Variants in DYNC2I1 observed in about 807,000 individuals in gnomAD.
DYNC2I1 encodes cytoplasmic dynein 2 intermediate chain 1.
DYNC2I1 carries 89 observed loss-of-function variants against 133.4 expected under a neutral mutation model. That is an observed-to-expected ratio of 0.67 (90% CI 0.56 to 0.80). The LOEUF (loss-of-function observed/expected upper bound fraction) is 0.80. Among genes scored for constraint, DYNC2I1 ranks in the 30% least tolerant of loss-of-function variants. DYNC2I1 has a pLI of 0.00. For synonymous variants in DYNC2I1, 504 were observed against 484.3 expected (o/e 1.04, Z -0.54); for missense variants, 1,291 against 1,314.5 (o/e 0.98, Z 0.28).
intron 4 of DYNC2I1, among the ~76,000 whole-genome samples, chr7:158,879,317 C>T (rs1025003662): frequency 6.6e-6 from 1 of 152,034 alleles, no homozygotes; most frequent in Non-Finnish European, 1.5e-5. Context: ...ACAGTCGTCC[C>T]TTGGTATCCA....
chr7:158,944,044 A>G (rs1286416921), intron 24 of DYNC2I1, among the ~76,000 whole-genome samples: 1 of 152,228 alleles, frequency 6.6e-6, no homozygotes, highest in East Asian at 1.9e-4. Flanking sequence ...GGTTAGACAG[A>G]GAAACAGAAC....
chr7:158,939,679 C>T (rs1357765279), intron 23 of DYNC2I1, among the ~76,000 whole-genome samples: 1 of 152,010 alleles, frequency 6.6e-6, no homozygotes, highest in South Asian at 2.1e-4. Flanking sequence ...CATAGAATGG[C>T]TGAATGGTTA....
At chr7:158,947,103 T>G (rs2527203), downstream of DYNC2I1, among the ~76,000 whole-genome samples, 72,301 of 152,050 alleles carry the variant, frequency 0.48, 17,988 homozygotes, top group Non-Finnish European at 0.54. Flanking sequence ...GTCAGTAGAG[T>G]CTTAGCCAAT....
intron 1 of DYNC2I1, among the ~76,000 whole-genome samples, chr7:158,865,211 G>C (rs374460930): frequency 1.0e-3 from 158 of 152,328 alleles, no homozygotes; most frequent in African/African-American, 3.7e-3. Context: ...CACCTTGGAA[G>C]TGATTTCAGC....
downstream of DYNC2I1, among the ~76,000 whole-genome samples, chr7:158,947,828 G>A (rs945252398): frequency 2.0e-5 from 3 of 152,238 alleles, no homozygotes; most frequent in East Asian, 3.9e-4. Context: ...TGTCTGACGC[G>A]CTGCCTCGGA....
At chr7:158,880,201 C>T (rs187693901) in intron 5 of DYNC2I1, among the ~76,000 whole-genome samples, 13 of 152,248 alleles carry the variant, frequency 8.5e-5, no homozygotes, top group East Asian at 1.9e-4. Context: ...TTGATTATAT[C>T]GTGAATGTAC....
chr7:158,909,183 T>C (rs1197001402), intron 11 of DYNC2I1, among the ~76,000 whole-genome samples: 2 of 151,108 alleles, frequency 1.3e-5, no homozygotes, highest in African/African-American at 4.9e-5. Flanking sequence ...ATACAGAAAT[T>C]AGCCAGGCAT....
At chr7:158,934,849 A>C (rs1850591564) in intron 23 of DYNC2I1, among the ~76,000 whole-genome samples, 1 of 152,206 alleles carries the variant, frequency 6.6e-6, no homozygotes, top group African/African-American at 2.4e-5. Context: ...GGGCAGCATA[A>C]CACTTGCAGT....
intron 10 of DYNC2I1, 68 bp from the exon 11 acceptor site, chr7:158,905,921 C>G (rs1846759396): frequency 1.6e-6 from 2 of 1,226,724 alleles, no homozygotes; most frequent in South Asian, 1.3e-5. Flanking sequence ...TTGTTTTACT[C>G]CAGATATTTT....
intron 4 of DYNC2I1, among the ~76,000 whole-genome samples, chr7:158,952,159 G>A (rs1018697932): frequency 1.3e-5 from 2 of 152,200 alleles, no homozygotes; most frequent in African/African-American, 4.8e-5. Context: ...TCCGAGGAGG[G>A]CGCGGTAAAC....
At chr7:158,891,216 TG>T in intron 7 of DYNC2I1, 48 bp from the exon 8 acceptor site, 1 of 1,607,472 alleles carries the variant, frequency 6.2e-7, no homozygotes, top group Non-Finnish European at 8.5e-7. Context: ...GCGTGTGCCC[TG>T]GAGTCCCACC....
chr7:158,902,377 A>G lies in DYNC2I1; in HGVS notation c.1139A>G (p.Asp380Gly), dbSNP rs767594582. The change falls in exon 10 of 25, where the codon GAC (aspartate) becomes GGC (glycine). Residue 380 changes from aspartate to glycine, a missense_variant and splice_region_variant. Coordinates refer to ENST00000407559, the MANE Select transcript of DYNC2I1 (RefSeq NM_018051.5). ...YTASCEDDFE[D>G]YEDDFEVCDG... ...CCAAAAGATTATTATTGTTTGCAGGACTATGAAGATGACTTTGAGGTTTGT... is the reference window on the plus strand; with the variant it reads ...CCAAAAGATTATTATTGTTTGCAGGGCTATGAAGATGACTTTGAGGTTTGT... The G allele has an allele frequency of 1.3e-5, 21 of 1,611,602 alleles. 1 individual carries two copies. In the Middle Eastern group the frequency reaches 1.3e-3, roughly 100 times the overall value.
At position 158,905,766 on chromosome 7, in the gene DYNC2I1, A is replaced by T. The variant is rs149421311; in HGVS notation, c.1358-223A>T. 1.2e-3 allele frequency among the ~76,000 whole-genome samples: 186 copies of T among 152,318 alleles called. 1 individual carries two copies. Among genetic ancestry groups the T allele is most frequent in the African/African-American group, 4.1e-3 (169 of 41,570 alleles). ...AAAACTCTTTAATAGTGTGAGTGGCACATACAATAGATGATCAGTAAATTT... is the reference window on the plus strand; with the variant it reads ...AAAACTCTTTAATAGTGTGAGTGGCTCATACAATAGATGATCAGTAAATTT... On this transcript the variant is annotated intron_variant, in intron 10 of 24. Coordinates refer to ENST00000407559, the MANE Select transcript of DYNC2I1 (RefSeq NM_018051.5).
At chr7:158,865,969 A>T (rs770092057) in intron 1 of DYNC2I1, among the ~76,000 whole-genome samples, 14 of 152,190 alleles carry the variant, frequency 9.2e-5, no homozygotes, top group Non-Finnish European at 1.9e-4. Context: ...CAAAGTAGTC[A>T]GTATTCTGTG....
chr7:158,924,380 G>A (rs111988643), intron 17 of DYNC2I1, among the ~76,000 whole-genome samples: 58 of 152,352 alleles, frequency 3.8e-4, no homozygotes, highest in African/African-American at 1.3e-3. Context: ...GGGTTGGGGC[G>A]CTGTGGACTG....
chr7:158,886,917 A>G, intron 6 of DYNC2I1, 104 bp from the exon 7 acceptor site: 4 of 1,074,248 alleles, frequency 3.7e-6, no homozygotes, highest in East Asian at 2.5e-5. Flanking sequence ...GTTCTTAATC[A>G]TATCAAAATA....
intron 1 of DYNC2I1, among the ~76,000 whole-genome samples, chr7:158,858,478 A>G (rs1233030073): frequency 6.6e-6 from 1 of 152,172 alleles, no homozygotes; most frequent in Non-Finnish European, 1.5e-5. Flanking sequence ...TTTGCTTATC[A>G]TTTGGACCAT....
chr7:158,924,944 C>T (rs866033716), intron 17 of DYNC2I1, among the ~76,000 whole-genome samples: 26 of 152,214 alleles, frequency 1.7e-4, no homozygotes, highest in Middle Eastern at 6.8e-3. Context: ...TTAGTAGAGA[C>T]GGGGTTTCTC....
intron 1 of DYNC2I1, among the ~76,000 whole-genome samples, chr7:158,859,792 A>G (rs1264319462): frequency 1.3e-5 from 2 of 152,100 alleles, no homozygotes; most frequent in Non-Finnish European, 2.9e-5. Flanking sequence ...GCCAGTAAAT[A>G]AACATTTTTA....
Sources: gnomAD v4.1 joint callset for allele counts (sites outside exome capture counted in the v4.1 genomes callset) on GRCh38, gnomAD v4.1.1 for gene constraint, MANE v1.5 for transcripts, NCBI Gene and HGNC (gene_info 2026-07-23, HGNC 2026-07-21) for gene names.